EYA2: variants seen among roughly 807,000 people sequenced by gnomAD.
The protein encoded by EYA2 is EYA transcriptional coactivator and phosphatase 2.
In EYA2, 31 loss-of-function variants were observed where a neutral mutation model predicts 69.2. That is an observed-to-expected ratio of 0.45 (90% CI 0.34 to 0.60). The LOEUF (loss-of-function observed/expected upper bound fraction) is 0.60, where lower values mean the gene tolerates loss of function less well. Ranked by LOEUF, EYA2 falls within the 20% of genes least tolerant of loss-of-function variation. EYA2 has a pLI of 0.02. For missense variants in EYA2, 622 were observed against 701.2 expected, an observed-to-expected ratio of 0.89 and a Z score of 1.28; for synonymous variants, 257 against 279.4, an observed-to-expected ratio of 0.92 and a Z score of 0.80.
At chr20:47,072,028 A>C in intron 5 of EYA2, 157 bp from the exon 6 acceptor site, 1 of 694,214 alleles carries the variant, frequency 1.4e-6, no homozygotes, top group South Asian at 1.7e-5. Flanking sequence ...TTGCTTTGGG[A>C]ACGCTGGTGT....
At chr20:47,010,236 C>T (rs1401271418) in intron 4 of EYA2, among the ~76,000 whole-genome samples, 2 of 152,216 alleles carry the variant, frequency 1.3e-5, no homozygotes, top group Non-Finnish European at 2.9e-5. Flanking sequence ...CACTCCAGAA[C>T]TTAGTGGCTT....
chr20:47,115,705 A>G (rs1023771396), intron 9 of EYA2, among the ~76,000 whole-genome samples: 2 of 151,988 alleles, frequency 1.3e-5, no homozygotes, highest in African/African-American at 4.8e-5. Context: ...CCCTCAGCCT[A>G]TTGGGCAGCC....
chr20:47,143,252 T>G, intron 10 of EYA2, 104 bp downstream of exon 10: 1 of 1,042,438 alleles, frequency 9.6e-7, no homozygotes, highest in Non-Finnish European at 1.3e-6. Context: ...TTTTTCTTTT[T>G]TTCTCCTTTT....
chr20:47,076,810 G>T (rs980729011), intron 7 of EYA2, among the ~76,000 whole-genome samples: 31 of 152,186 alleles, frequency 2.0e-4, no homozygotes, highest in Non-Finnish European at 4.4e-5. Flanking sequence ...TCTCAGGCAA[G>T]CTCCTCCCCT....
At chr20:47,171,425 TAGC>T (rs2034320510) in intron 11 of EYA2, among the ~76,000 whole-genome samples, 1 of 152,220 alleles carries the variant, frequency 6.6e-6, no homozygotes, top group South Asian at 2.1e-4. Context: ...TTTTTTCAGT[TAGC>T]AGTAAGAACC....
chr20:47,070,119 T>C (rs2031259650), intron 5 of EYA2, among the ~76,000 whole-genome samples: 1 of 152,176 alleles, frequency 6.6e-6, no homozygotes, highest in Non-Finnish European at 1.5e-5. Flanking sequence ...GGAGATAATA[T>C]TCACAAATCA....
At chr20:47,138,424 C>G (rs1568802369) in intron 9 of EYA2, among the ~76,000 whole-genome samples, 1 of 152,068 alleles carries the variant, frequency 6.6e-6, no homozygotes, top group Non-Finnish European at 1.5e-5. Flanking sequence ...TGTTTAATTA[C>G]ATGATAAGTA....
chr20:47,161,091 A>T, intron 10 of EYA2: 1 of 311,872 alleles, frequency 3.2e-6, no homozygotes. Context: ...CATCAGCAGC[A>T]GCTTTTGGGC....
chr20:47,051,682 G>A (rs1303502823), intron 5 of EYA2, among the ~76,000 whole-genome samples: 2 of 152,156 alleles, frequency 1.3e-5, no homozygotes, highest in African/African-American at 2.4e-5. Flanking sequence ...ATGACCATGG[G>A]ACACATTATT....
intron 9 of EYA2, among the ~76,000 whole-genome samples, chr20:47,128,832 TA>T (rs1189127001): frequency 6.6e-6 from 1 of 151,978 alleles, no homozygotes; most frequent in African/African-American, 2.4e-5. Context: ...TCATTTAAAA[TA>T]AAAAAATGGC....
At chr20:46,908,496 C>T (rs971774044) in intron 1 of EYA2, among the ~76,000 whole-genome samples, 12 of 152,140 alleles carry the variant, frequency 7.9e-5, no homozygotes, top group African/African-American at 2.7e-4. Flanking sequence ...TGCCGTTCTG[C>T]GTCAATCAGT....
intron 4 of EYA2, among the ~76,000 whole-genome samples, chr20:47,007,082 A>G (rs2146354829): frequency 6.6e-6 from 1 of 152,196 alleles, no homozygotes; most frequent in Non-Finnish European, 1.5e-5. Context: ...GGCATACGCT[A>G]CTGCGCCCTG....
intron 1 of EYA2, among the ~76,000 whole-genome samples, chr20:46,898,394 AACACACACACACACACAC>A (rs3085766): frequency 6.8e-6 from 1 of 146,468 alleles, no homozygotes; most frequent in Non-Finnish European, 1.5e-5. Context: ...GTTGACAGAA[AACACACACACACACACAC>A]ACACACACAC....
At chr20:47,122,289 G>GTTTTTTTTTTTTTTTTTTTTTTTTGT (rs1180670988) in intron 9 of EYA2, among the ~76,000 whole-genome samples, 1 of 110,870 alleles carries the variant, frequency 9.0e-6, no homozygotes. Flanking sequence ...TATTTTCTTG[G>GTTTTTTTTTTTTTTTTTTTTTTTTGT]TTTTTTTTTT....
At chr20:46,916,321 G>A (rs190784848) in intron 1 of EYA2, among the ~76,000 whole-genome samples, 174 of 152,282 alleles carry the variant, frequency 1.1e-3, no homozygotes, top group Non-Finnish European at 1.9e-3. Context: ...TCGAGAAAGG[G>A]TGTATGTGAA....
intron 5 of EYA2, among the ~76,000 whole-genome samples, chr20:47,051,024 G>A (rs184493864): frequency 2.0e-5 from 3 of 152,348 alleles, no homozygotes; most frequent in Admixed American, 6.5e-5. Flanking sequence ...TTTGGAAAAG[G>A]TTGTCTTTAC....
At chr20:46,907,016 C>A (rs1290496845) in intron 1 of EYA2, among the ~76,000 whole-genome samples, 2 of 152,128 alleles carry the variant, frequency 1.3e-5, no homozygotes, top group Non-Finnish European at 2.9e-5. Context: ...CACTGTCTAC[C>A]ACTTACTAGC....
chr20:47,018,542 G>C (rs927231250), intron 5 of EYA2, among the ~76,000 whole-genome samples: 1 of 152,222 alleles, frequency 6.6e-6, no homozygotes, highest in Non-Finnish European at 1.5e-5. Flanking sequence ...GCATTCAGCA[G>C]GTGGTCAGGG....
chr20:46,982,241 CT>C (rs752927334), intron 1 of EYA2, among the ~76,000 whole-genome samples: 2 of 151,968 alleles, frequency 1.3e-5, no homozygotes, highest in Admixed American at 1.3e-4. Flanking sequence ...TATTTTTTTG[CT>C]GGCATAGAAT....
Sources: allele counts gnomAD v4.1 joint callset (sites outside exome capture counted in the v4.1 genomes callset), GRCh38; gene constraint gnomAD v4.1.1; transcripts MANE v1.5; gene names NCBI Gene and HGNC (gene_info 2026-07-23, HGNC 2026-07-21).